The following CERS3 variants were observed in gnomAD, a reference collection of about 807,000 sequenced individuals.
The protein encoded by CERS3 is LAG1 homolog, ceramide synthase 3.
In CERS3, 33 loss-of-function variants were observed where a neutral mutation model predicts 50.3. The observed-to-expected ratio is 0.66, with a 90% CI of 0.50 to 0.88. The LOEUF is 0.88. CERS3 is among the 40% of genes least tolerant of loss of function. CERS3 has a pLI of 0.00. For missense variants in CERS3, 470 were observed against 460.3 expected, an observed-to-expected ratio of 1.02 and a Z score of -0.19; for synonymous variants, 176 against 155.2, an observed-to-expected ratio of 1.13 and a Z score of -0.99.
rs1647226089 is a variant in CERS3 at position 100,456,030 on chromosome 15, G to A, written c.862C>T (p.Leu288=). Residue 288 remains leucine, a synonymous_variant, in exon 11 of 12, where the codon CTG becomes TTG. Transcript: ENST00000679737. Reference sequence around the variant, plus strand: ...TCGAGGTGATACATAGGCAAGATCAGCGTGCAATATAAAATCCTGAAACAC... The same window carrying A: ...TCGAGGTGATACATAGGCAAGATCAACGTGCAATATAAAATCCTGAAACAC... ...VFPFWILYCT[L]ILPMYHLEPF... is the part of the protein sequence containing the mutation. 1.9e-6 allele frequency: 3 copies of A among 1,608,156 alleles called. No homozygotes were observed. Among genetic ancestry groups the A allele is most frequent in the Non-Finnish European group, 2.5e-6 (3 of 1,177,314 alleles).
At chr15:100,447,187 C>T (rs1000151287) in intron 11 of CERS3, among the ~76,000 whole-genome samples, 6 of 152,172 alleles carry the variant, frequency 3.9e-5, no homozygotes, top group African/African-American at 9.7e-5. Context: ...GCACTGAAGT[C>T]AGCTACCTGG....
chr15:100,447,090 C>T (rs960452931), intron 11 of CERS3, among the ~76,000 whole-genome samples: 16 of 152,148 alleles, frequency 1.1e-4, no homozygotes, highest in South Asian at 4.1e-4. Flanking sequence ...CTACATTTTG[C>T]GGAGAATCAC....
At position 100,479,980 on chromosome 15, in the gene CERS3, A is replaced by G; in HGVS notation, c.465+9T>C. On this transcript the variant is annotated intron_variant, in intron 6 of 11. Coordinates refer to ENST00000679737, the MANE Select transcript of CERS3 (RefSeq NM_001378789.1). ...AAATTCCAATCGAAGATATAAAAAG[A>G]TAACTTACATCATAAAGAAACGCAA... 6.3e-7 allele frequency: 1 copy of G among 1,592,208 alleles called. No individual in the cohort carries two copies. Among genetic ancestry groups the G allele is most frequent in the East Asian group, 2.2e-5 (1 of 44,692 alleles).
At chr15:100,436,423 G>A (rs1196470540) in intron 11 of CERS3, among the ~76,000 whole-genome samples, 3 of 152,128 alleles carry the variant, frequency 2.0e-5, no homozygotes, top group Non-Finnish European at 2.9e-5. Context: ...GTTGAACAAC[G>A]AGAACACATG....
intron 11 of CERS3, among the ~76,000 whole-genome samples, chr15:100,427,535 G>A (rs2032887905): frequency 6.6e-6 from 1 of 152,188 alleles, no homozygotes; most frequent in South Asian, 2.1e-4. Context: ...CCTTGGGGTA[G>A]CAAGGCAGAG....
chr15:100,431,493 T>C (rs1398275542), intron 11 of CERS3, among the ~76,000 whole-genome samples: 1 of 152,158 alleles, frequency 6.6e-6, no homozygotes, highest in Non-Finnish European at 1.5e-5. Context: ...AACACAAAAG[T>C]CCACTAATTT....
intron 1 of CERS3, among the ~76,000 whole-genome samples, chr15:100,522,751 TACA>T (rs72141449): frequency 0.43 from 65,544 of 151,822 alleles, 14,666 homozygotes; most frequent in Middle Eastern, 0.5. Context: ...AGTTTGGGAT[TACA>T]ACACTTCAAG....
chr15:100,476,107 A>G lies in CERS3; in HGVS notation c.588T>C (p.Leu196=). ...TTACCTTTCTCTTGACATCAAAGCC[A>G]AGTCTAAATAACAGAGACCAATAAA... ...MSFYWSLLFR[L]GFDVKRKDFL... Residue 196 remains leucine, a synonymous_variant, in exon 8 of 12, where the codon CTT becomes CTC. Coordinates refer to ENST00000679737, the MANE Select transcript of CERS3 (RefSeq NM_001378789.1). The G allele has an allele frequency of 6.4e-7, 1 of 1,568,888 alleles. No individual in the cohort carries two copies. The highest frequency in any genetic ancestry group is 1.2e-5 in the South Asian group (1 of 83,162).
At chr15:100,502,608 C>G (rs780921327) in intron 2 of CERS3, among the ~76,000 whole-genome samples, 4 of 152,170 alleles carry the variant, frequency 2.6e-5, no homozygotes, top group African/African-American at 7.2e-5. Flanking sequence ...AAGGGGCAGG[C>G]ACGTTTCACT....
At chr15:100,418,688 C>T (rs969763456) in intron 11 of CERS3, among the ~76,000 whole-genome samples, 13 of 132,482 alleles carry the variant, frequency 9.8e-5, no homozygotes, top group Middle Eastern at 3.5e-3. Context: ...AGAGAAAGGT[C>T]GGGTTACCCT....
intron 8 of CERS3, among the ~76,000 whole-genome samples, chr15:100,473,901 G>A (rs552430368): frequency 6.6e-6 from 1 of 152,296 alleles, no homozygotes; most frequent in East Asian, 1.9e-4. Context: ...CAACTGATAA[G>A]AGGATGAATA....
At chr15:100,402,894 T>A (rs2030667031) in intron 11 of CERS3, 29 bp from the exon 12 acceptor site, 2 of 1,559,096 alleles carry the variant, frequency 1.3e-6, no homozygotes, top group Non-Finnish European at 1.7e-6. Flanking sequence ...TGGCTGTGAG[T>A]GACAATCTTC....
intron 11 of CERS3, among the ~76,000 whole-genome samples, chr15:100,419,724 C>G (rs1262642737): frequency 6.6e-6 from 1 of 151,402 alleles, no homozygotes; most frequent in Non-Finnish European, 1.5e-5. Flanking sequence ...GAAATTATAA[C>G]AAACTATCTC....
At chr15:100,421,452 G>A (rs1246461976) in intron 11 of CERS3, among the ~76,000 whole-genome samples, 7 of 152,040 alleles carry the variant, frequency 4.6e-5, no homozygotes, top group Non-Finnish European at 8.8e-5. Context: ...ACAAATGGAA[G>A]AACATTCCAT....
At chr15:100,410,131 C>G (rs1411038939) in intron 11 of CERS3, among the ~76,000 whole-genome samples, 1 of 152,204 alleles carries the variant, frequency 6.6e-6, no homozygotes, top group Non-Finnish European at 1.5e-5. Flanking sequence ...ATTATTCACT[C>G]CACGTTGGAA....
At chr15:100,529,410 T>C (rs575725245), upstream of CERS3, 2 of 152,362 alleles carry the variant, frequency 1.3e-5, no homozygotes, top group Admixed American at 1.3e-4. Flanking sequence ...TTCCTAGGAA[T>C]TGAGAAAACG....
chr15:100,455,851 T>G, intron 11 of CERS3, 42 bp downstream of exon 11: 1 of 1,401,720 alleles, frequency 7.1e-7, no homozygotes, highest in Non-Finnish European at 9.7e-7. Context: ...ACCATTAACC[T>G]GGCAATGACA....
chr15:100,411,416 G>T (rs1743390691), intron 11 of CERS3, among the ~76,000 whole-genome samples: 1 of 151,990 alleles, frequency 6.6e-6, no homozygotes, highest in South Asian at 2.1e-4. Context: ...CCCGCCTCGG[G>T]CTCCCAAAGT....
At chr15:100,491,278 T>C (rs1212406027) in intron 3 of CERS3, among the ~76,000 whole-genome samples, 1 of 152,230 alleles carries the variant, frequency 6.6e-6, no homozygotes. Context: ...AAATGTTTTA[T>C]TTGGTGTTAT....
Sources: allele counts gnomAD v4.1 joint callset (sites outside exome capture counted in the v4.1 genomes callset), GRCh38; gene constraint gnomAD v4.1.1; transcripts MANE v1.5; gene names NCBI Gene and HGNC (gene_info 2026-07-23, HGNC 2026-07-21).